PSMB7: variants seen among roughly 807,000 people sequenced by gnomAD.
PSMB7 encodes proteasome 20S subunit beta 7, also known as proteasome subunit beta type-7.
In PSMB7, 5 loss-of-function variants were observed where a neutral mutation model predicts 28.1. The observed-to-expected ratio is 0.18, with a 90% CI of 0.09 to 0.37. PSMB7 has a LOEUF of 0.37. Among genes scored for constraint, PSMB7 ranks in the 10% least tolerant of loss-of-function variants. PSMB7 has a pLI of 1.00. For synonymous variants in PSMB7, 122 were observed against 123.7 expected, an observed-to-expected ratio of 0.99 and a Z score of 0.09; for missense variants, 275 against 346.2, an observed-to-expected ratio of 0.79 and a Z score of 1.63.
chr9:124,371,014 C>T (rs1830557383), intron 6 of PSMB7, among the ~76,000 whole-genome samples: 1 of 152,190 alleles, frequency 6.6e-6, no homozygotes, highest in Non-Finnish European at 1.5e-5. Context: ...ACCCCCCTTT[C>T]TGATATCGCA....
At position 124,364,157 on chromosome 9, in the gene PSMB7, G is replaced by A. The variant is rs374878506; in HGVS notation, c.571-7242C>T. ...CCCCGGGTCTGAGCCAAACACTTGC[G>A]TTATTTATTGAATTCCCAACTGCTG... is the stretch of plus-strand genomic sequence containing the variant. On this transcript the variant is annotated intron_variant, in intron 6 of 7. Transcript: ENST00000259457. Among the ~76,000 whole-genome samples, 205 of 152,252 alleles carry A rather than the reference G, an allele frequency of 1.3e-3. 6 individuals carry two copies. In the South Asian group the frequency reaches 0.04, roughly 30 times the overall value.
Position 124,356,898 on chromosome 9 carries a change from A to G in PSMB7, c.588T>C (p.Asn196=). The G allele has an allele frequency of 6.2e-7, 1 of 1,614,136 alleles. No homozygotes were observed. The highest frequency in any genetic ancestry group is 2.2e-5 in the East Asian group (1 of 44,882). The part of the protein sequence containing the change: ...RPDMEEEEAK[N]LVSEAIAAGI... ...CAGCTGCGATGGCTTCGCTCACCAG[A>G]TTCTTGGCTTCCTCCTCCTGAGAAA... The change falls in exon 7 of 8, where the codon AAT becomes AAC. Residue 196 remains asparagine, a synonymous_variant. Transcript: ENST00000259457. The surrounding 1 kb of genome is among the most constrained non-coding windows in gnomAD (Gnocchi z 4.4).
chr9:124,415,018 T>C (rs1174930354), intron 1 of PSMB7, 83 bp from the exon 2 acceptor site: 1 of 882,548 alleles, frequency 1.1e-6, no homozygotes, highest in African/African-American at 1.7e-5. Flanking sequence ...AACAGAGAAC[T>C]CAGGAAAGCT....
intron 6 of PSMB7, among the ~76,000 whole-genome samples, chr9:124,379,633 T>C (rs1238268324): frequency 6.6e-6 from 1 of 152,242 alleles, no homozygotes; most frequent in African/African-American, 2.4e-5. Flanking sequence ...CTTGGGCGTT[T>C]ACGAATCCCA....
chr9:124,393,146 T>C (rs1830806969), intron 5 of PSMB7, among the ~76,000 whole-genome samples: 1 of 152,160 alleles, frequency 6.6e-6, no homozygotes, highest in African/African-American at 2.4e-5. Context: ...GCAGAGCTGA[T>C]TGATGAATAT....
chr9:124,410,151 C>G lies in PSMB7; in HGVS notation c.395+2201G>C, dbSNP rs151236526. ...CTAGGACTACAGGCGCCCGCCACCA[C>G]GCCCGGCTAATTTTTTGTAATTTTA... On this transcript the variant is annotated intron_variant, in intron 4 of 7. Transcript: ENST00000259457. Among the ~76,000 whole-genome samples the G allele has an allele frequency of 3.8e-3, 571 of 151,998 alleles. 3 individuals carry two copies. The highest frequency in any genetic ancestry group is 0.012 in the African/African-American group (509 of 41,442).
chr9:124,413,848 C>A, intron 3 of PSMB7, 60 bp downstream of exon 3: 1 of 1,233,630 alleles, frequency 8.1e-7, no homozygotes, highest in South Asian at 1.3e-5. Flanking sequence ...ACAGGAAGGT[C>A]AATTTTTAGC....
chr9:124,386,091 G>A (rs1251608253), intron 5 of PSMB7, among the ~76,000 whole-genome samples: 1 of 151,556 alleles, frequency 6.6e-6, no homozygotes, highest in Non-Finnish European at 1.5e-5. Context: ...TATTCATTTA[G>A]GCTTTGGGAG....
At chr9:124,413,850 A>G in intron 3 of PSMB7, 58 bp downstream of exon 3, 1 of 1,282,586 alleles carries the variant, frequency 7.8e-7, no homozygotes, top group Non-Finnish European at 1.1e-6. Context: ...AGGAAGGTCA[A>G]TTTTTAGCCC....
At chr9:124,405,226 C>T (rs1830951648) in intron 5 of PSMB7, 91 bp downstream of exon 5, 5 of 837,312 alleles carry the variant, frequency 6.0e-6, no homozygotes, top group Non-Finnish European at 9.7e-6. Context: ...TGTATTGCAC[C>T]TCCTCTTCTA....
At chr9:124,392,169 TG>T (rs943566643) in intron 5 of PSMB7, among the ~76,000 whole-genome samples, 1 of 152,214 alleles carries the variant, frequency 6.6e-6, no homozygotes, top group African/African-American at 2.4e-5. Flanking sequence ...CAAGAGTCAA[TG>T]AGAAGCGGAG....
intron 5 of PSMB7, among the ~76,000 whole-genome samples, chr9:124,397,934 G>T (rs1830858300): frequency 6.6e-6 from 1 of 152,184 alleles, no homozygotes; most frequent in South Asian, 2.1e-4. Context: ...TTGGGAGGCC[G>T]AGGCGGGTGG....
rs377536210 is a variant in PSMB7, at chr9:124,363,401, G to A, written c.571-6486C>T. ...AAGAGCTCAAAAAAGTGTTTGAAAC[G>A]GTCTCCGCGAAAGCAGCATGCTCCC... On this transcript the variant is annotated intron_variant, in intron 6 of 7. Coordinates refer to ENST00000259457, the MANE Select transcript of PSMB7 (RefSeq NM_002799.4). 1.7e-4 allele frequency among the ~76,000 whole-genome samples: 26 copies of A among 152,358 alleles called. No individual in the cohort carries two copies. The South Asian group carries it at 2.5e-3, about 15-fold the overall frequency.
intron 6 of PSMB7, among the ~76,000 whole-genome samples, chr9:124,379,415 G>A (rs1403178850): frequency 4.6e-5 from 7 of 152,106 alleles, no homozygotes; most frequent in Non-Finnish European, 1.0e-4. Flanking sequence ...GTCCCTGCCC[G>A]AGAAGAATTC....
At chr9:124,369,807 T>C (rs1228410932) in intron 6 of PSMB7, among the ~76,000 whole-genome samples, 1 of 152,130 alleles carries the variant, frequency 6.6e-6, no homozygotes, top group Non-Finnish European at 1.5e-5. Context: ...AAACAATTCA[T>C]GTGAGGAGTC....
At chr9:124,381,282 G>C (rs1830662136) in intron 6 of PSMB7, among the ~76,000 whole-genome samples, 1 of 152,330 alleles carries the variant, frequency 6.6e-6, no homozygotes, top group East Asian at 1.9e-4. Context: ...GAAACAGAAA[G>C]ACTTTGGGCT....
chr9:124,409,402 A>G (rs1240656243), intron 4 of PSMB7, among the ~76,000 whole-genome samples: 3 of 152,238 alleles, frequency 2.0e-5, no homozygotes, highest in Non-Finnish European at 4.4e-5. Flanking sequence ...TTTCACTAAC[A>G]TTTTTATGAA....
intron 6 of PSMB7, among the ~76,000 whole-genome samples, chr9:124,358,847 A>G (rs1314228142): frequency 6.6e-6 from 1 of 152,264 alleles, no homozygotes; most frequent in African/African-American, 2.4e-5. Flanking sequence ...CCTGGCAGAC[A>G]TCGCGACCCT....
chr9:124,398,430 C>A (rs1417379111), intron 5 of PSMB7: 2 of 329,538 alleles, frequency 6.1e-6, no homozygotes, highest in Admixed American at 4.6e-5. Context: ...AGTACAAAAC[C>A]GTGATCTTAC....
Sources: allele counts gnomAD v4.1 joint callset (sites outside exome capture counted in the v4.1 genomes callset), GRCh38; gene constraint gnomAD v4.1.1; non-coding constraint Gnocchi (gnomAD v3.1); transcripts MANE v1.5; gene names NCBI Gene and HGNC (gene_info 2026-07-23, HGNC 2026-07-21).